The following SLC25A26 variants were observed in gnomAD, a reference collection of about 807,000 sequenced individuals.
SLC25A26 encodes the protein mitochondrial S-adenosylmethionine carrier protein.
A neutral mutation model predicts 37.8 loss-of-function variants in SLC25A26; 36 were observed. The observed-to-expected ratio is 0.95, with a 90% CI of 0.73 to 1.26. The LOEUF (loss-of-function observed/expected upper bound fraction) is 1.26. Among genes scored for constraint, SLC25A26 ranks in the 50% most tolerant of loss-of-function variants. The pLI is 0.00. For synonymous variants in SLC25A26, 129 were observed against 122.5 expected (o/e 1.05, Z -0.35); for missense variants, 390 against 331.1 (o/e 1.18, Z -1.38).
chr3:66,352,743 T>C (rs2076487139), intron 6 of SLC25A26, among the ~76,000 whole-genome samples: 1 of 151,830 alleles, frequency 6.6e-6, no homozygotes, highest in African/African-American at 2.4e-5. Flanking sequence ...CCATGGAGCA[T>C]TCATTCCAGC....
At chr3:66,211,636 G>A (rs1318196065) in intron 1 of SLC25A26, among the ~76,000 whole-genome samples, 1 of 152,088 alleles carries the variant, frequency 6.6e-6, no homozygotes, top group Non-Finnish European at 1.5e-5. Context: ...GCTGTGATGT[G>A]ACCAGTTGAG....
At chr3:66,252,234 G>A (rs1191118287) in intron 3 of SLC25A26, among the ~76,000 whole-genome samples, 1 of 152,184 alleles carries the variant, frequency 6.6e-6, no homozygotes, top group East Asian at 1.9e-4. Context: ...TGAATTAAAT[G>A]CAACTGTCAC....
At chr3:66,153,361 T>C (rs1040813154) in intron 1 of SLC25A26, among the ~76,000 whole-genome samples, 1 of 152,224 alleles carries the variant, frequency 6.6e-6, no homozygotes, top group Non-Finnish European at 1.5e-5. Flanking sequence ...GGCATACTGA[T>C]AGGAAAACAC....
At chr3:66,144,018 C>T (rs2070077617) in intron 1 of SLC25A26, among the ~76,000 whole-genome samples, 1 of 152,110 alleles carries the variant, frequency 6.6e-6, no homozygotes, top group Admixed American at 6.6e-5. Flanking sequence ...TAAGAAAATA[C>T]AGTAATTTCA....
chr3:66,146,643 A>G (rs368614080), intron 1 of SLC25A26, among the ~76,000 whole-genome samples: 2 of 152,154 alleles, frequency 1.3e-5, no homozygotes, highest in African/African-American at 2.4e-5. Context: ...GTTCTAATTA[A>G]TGGGTCAAAG....
chr3:66,159,161 G>A (rs992304205), intron 1 of SLC25A26, among the ~76,000 whole-genome samples: 2 of 152,200 alleles, frequency 1.3e-5, no homozygotes, highest in African/African-American at 4.8e-5. Flanking sequence ...GTCAGCAGGC[G>A]AGGGATGTGA....
intron 3 of SLC25A26, among the ~76,000 whole-genome samples, chr3:66,253,785 C>T (rs978562760): frequency 3.3e-5 from 5 of 152,196 alleles, no homozygotes; most frequent in African/African-American, 1.2e-4. Flanking sequence ...ACCTCCTCAA[C>T]GTTCAGATTT....
rs144791680 is a variant in SLC25A26 at position 66,161,589 on chromosome 3, A to T, written c.-354+27605A>T. On this transcript the variant is annotated intron_variant, in intron 1 of 10. Transcript: ENST00000676754. ...GGTGTAGATACTTCTATTCGAAGTTAGCGAGTTCAGGTAAACTAGGAAAAT... is the reference window on the plus strand; with the variant it reads ...GGTGTAGATACTTCTATTCGAAGTTTGCGAGTTCAGGTAAACTAGGAAAAT... Among the ~76,000 whole-genome samples the T allele has an allele frequency of 3.3e-3, 495 of 152,244 alleles. 1 individual carries two copies. Among genetic ancestry groups the T allele is most frequent in the East Asian group, 0.016 (85 of 5,174 alleles).
intron 6 of SLC25A26, among the ~76,000 whole-genome samples, chr3:66,361,812 C>A (rs567463217): frequency 6.6e-6 from 1 of 151,970 alleles, no homozygotes; most frequent in African/African-American, 2.4e-5. Flanking sequence ...ACTAAAAATA[C>A]AAAAATTAGC....
chr3:66,182,176 A>G (rs1184151680), intron 1 of SLC25A26, among the ~76,000 whole-genome samples: 1 of 152,222 alleles, frequency 6.6e-6, no homozygotes, highest in East Asian at 1.9e-4. Flanking sequence ...CGAGAGCAGA[A>G]ATTCCCAAAT....
chr3:66,305,077 G>C (rs2075179595), intron 5 of SLC25A26, among the ~76,000 whole-genome samples: 1 of 152,148 alleles, frequency 6.6e-6, no homozygotes, highest in South Asian at 2.1e-4. Flanking sequence ...GCTGCGAAAA[G>C]CCAAAAGCAT....
At chr3:66,204,429 A>T (rs1199646945) in intron 1 of SLC25A26, among the ~76,000 whole-genome samples, 42 of 121,460 alleles carry the variant, frequency 3.5e-4, no homozygotes, top group Admixed American at 3.4e-3. Flanking sequence ...CCGTCTCAAA[A>T]AAAAAAAAAA....
At chr3:66,360,996 T>A (rs972105399) in intron 6 of SLC25A26, among the ~76,000 whole-genome samples, 1 of 152,248 alleles carries the variant, frequency 6.6e-6, no homozygotes, top group African/African-American at 2.4e-5. Flanking sequence ...GTTTCAAGAT[T>A]CATTATAAAG....
intron 1 of SLC25A26, among the ~76,000 whole-genome samples, chr3:66,207,890 A>G (rs901005418): frequency 9.9e-5 from 15 of 152,200 alleles, no homozygotes; most frequent in African/African-American, 3.6e-4. Context: ...CTATTACCCA[A>G]TTGTTGAGAC....
intron 1 of SLC25A26, among the ~76,000 whole-genome samples, chr3:66,193,550 C>G (rs1194659955): frequency 3.3e-5 from 5 of 151,984 alleles, no homozygotes; most frequent in Admixed American, 2.0e-4. Context: ...CTGGGCTTGG[C>G]AGCTCACAAA....
At chr3:66,247,672 A>C (rs377678225) in intron 3 of SLC25A26, among the ~76,000 whole-genome samples, 1 of 152,178 alleles carries the variant, frequency 6.6e-6, no homozygotes, top group East Asian at 1.9e-4. Flanking sequence ...AGTTTGCCAA[A>C]TTTATGAAGT....
intron 1 of SLC25A26, among the ~76,000 whole-genome samples, chr3:66,164,963 C>G (rs2070406250): frequency 1.3e-5 from 2 of 152,146 alleles, no homozygotes; most frequent in African/African-American, 4.8e-5. Flanking sequence ...TCAAGATGCC[C>G]CCAATGATCC....
At chr3:66,151,869 GGGACTATTCCCCTCT>G (rs1276157650) in intron 1 of SLC25A26, among the ~76,000 whole-genome samples, 4 of 152,148 alleles carry the variant, frequency 2.6e-5, no homozygotes, top group Admixed American at 2.0e-4. Flanking sequence ...TTTAAGAATA[GGGACTATTCCCCTCT>G]CTCTTTTTTT....
chr3:66,141,102 C>T (rs1025120794), intron 1 of SLC25A26, among the ~76,000 whole-genome samples: 11 of 151,414 alleles, frequency 7.3e-5, no homozygotes, highest in Non-Finnish European at 1.5e-4. Flanking sequence ...ACAGTGAAAT[C>T]CAAATGAGGT....
Sources: gnomAD v4.1 joint callset for allele counts (sites outside exome capture counted in the v4.1 genomes callset) on GRCh38, gnomAD v4.1.1 for gene constraint, MANE v1.5 for transcripts, NCBI Gene and HGNC (gene_info 2026-07-23, HGNC 2026-07-21) for gene names.